PIP4K2A: variants seen among roughly 807,000 people sequenced by gnomAD.
PIP4K2A encodes the protein phosphatidylinositol 5-phosphate 4-kinase type-2 alpha.
A neutral mutation model predicts 42.9 loss-of-function variants in PIP4K2A; 14 were observed. The observed-to-expected ratio is 0.33, with a 90% CI of 0.22 to 0.51. The LOEUF (loss-of-function observed/expected upper bound fraction) is 0.51, where lower values mean the gene tolerates loss of function less well. Among genes scored for constraint, PIP4K2A ranks in the 20% least tolerant of loss-of-function variants. PIP4K2A has a pLI of 0.97. For synonymous variants in PIP4K2A, 192 were observed against 192.2 expected (o/e 1.00, Z 0.01); for missense variants, 434 against 519.8 (o/e 0.83, Z 1.61).
intron 1 of PIP4K2A, among the ~76,000 whole-genome samples, chr10:22,665,246 G>T (rs1452936392): frequency 6.6e-6 from 1 of 152,114 alleles, no homozygotes; most frequent in African/African-American, 2.4e-5. Context: ...GATGACAAAA[G>T]CAACAAGAGA....
chr10:22,619,439 CTT>C (rs746519034), intron 1 of PIP4K2A, among the ~76,000 whole-genome samples: 24 of 137,428 alleles, frequency 1.7e-4, no homozygotes, highest in Admixed American at 2.2e-4. Flanking sequence ...TTTCTTTTTT[CTT>C]TTTTTTTTTT....
chr10:22,650,462 C>A (rs1333549046), intron 1 of PIP4K2A, among the ~76,000 whole-genome samples: 3 of 152,070 alleles, frequency 2.0e-5, no homozygotes, highest in African/African-American at 7.2e-5. Context: ...GCCCAGGCTG[C>A]CTCAGTTTTC....
chr10:22,600,462 G>A (rs1163211197), intron 3 of PIP4K2A, among the ~76,000 whole-genome samples: 1 of 152,130 alleles, frequency 6.6e-6, no homozygotes, highest in Non-Finnish European at 1.5e-5. Flanking sequence ...TGTTATGGAT[G>A]AGGAAACTGA....
At chr10:22,662,361 A>G (rs1839218211) in intron 1 of PIP4K2A, among the ~76,000 whole-genome samples, 1 of 152,240 alleles carries the variant, frequency 6.6e-6, no homozygotes, top group Non-Finnish European at 1.5e-5. Flanking sequence ...TAAGATCACA[A>G]GAGTTTTCTC....
chr10:22,632,410 T>C (rs1000091012), intron 1 of PIP4K2A, among the ~76,000 whole-genome samples: 2 of 152,240 alleles, frequency 1.3e-5, no homozygotes, highest in African/African-American at 2.4e-5. Flanking sequence ...AAAACAAACA[T>C]TAAAATGGTA....
chr10:22,542,101 C>T (rs1198960615), intron 7 of PIP4K2A, 54 bp from the exon 8 acceptor site: 7 of 1,502,256 alleles, frequency 4.7e-6, no homozygotes, highest in Non-Finnish European at 6.3e-6. Context: ...TAAAAGCCAA[C>T]ATTTAAAGGA....
intron 1 of PIP4K2A, among the ~76,000 whole-genome samples, chr10:22,664,059 ATACATATATATATATACG>A (rs1839264704): frequency 1.2e-5 from 1 of 83,976 alleles, no homozygotes; most frequent in Non-Finnish European, 2.1e-5. Flanking sequence ...ATATGTATAT[ATACATATATATATATACG>A]TATATATATA....
At chr10:22,654,456 A>C (rs1013813217) in intron 1 of PIP4K2A, among the ~76,000 whole-genome samples, 1 of 152,216 alleles carries the variant, frequency 6.6e-6, no homozygotes, top group African/African-American at 2.4e-5. Flanking sequence ...AAATTGGAGA[A>C]TCTTAGTAAC....
At chr10:22,569,411 C>T (rs571753253) in intron 5 of PIP4K2A, among the ~76,000 whole-genome samples, 2 of 152,200 alleles carry the variant, frequency 1.3e-5, no homozygotes, top group African/African-American at 2.4e-5. Context: ...GACCACAGTC[C>T]GAGCCCCTCT....
chr10:22,585,332 G>C (rs944555587), intron 4 of PIP4K2A, among the ~76,000 whole-genome samples: 2 of 151,966 alleles, frequency 1.3e-5, no homozygotes, highest in African/African-American at 4.8e-5. Flanking sequence ...TCAGATTTTG[G>C]GGCAAAACTT....
At chr10:22,601,144 A>AC (rs986003950) in intron 3 of PIP4K2A, among the ~76,000 whole-genome samples, 10 of 132,128 alleles carry the variant, frequency 7.6e-5, no homozygotes, top group Non-Finnish European at 1.6e-4. Context: ...AAAAAAAAAA[A>AC]AAAAAAAAAA....
intron 2 of PIP4K2A, among the ~76,000 whole-genome samples, chr10:22,608,303 G>A (rs1837954130): frequency 6.6e-6 from 1 of 152,190 alleles, no homozygotes. Flanking sequence ...AGAACAAGAG[G>A]TGGGGAAGGA....
chr10:22,558,650 G>T (rs16922454), intron 6 of PIP4K2A, among the ~76,000 whole-genome samples: 2 of 152,174 alleles, frequency 1.3e-5, no homozygotes, highest in African/African-American at 4.8e-5. Context: ...TTTGAGAAAT[G>T]ATCTAAGAGG....
At chr10:22,679,457 C>T (rs1839620819) in intron 1 of PIP4K2A, among the ~76,000 whole-genome samples, 1 of 152,164 alleles carries the variant, frequency 6.6e-6, no homozygotes, top group Admixed American at 6.5e-5. Flanking sequence ...AAACTTCATA[C>T]ATTGCTAGTA....
At chr10:22,660,093 T>G (rs753069406) in intron 1 of PIP4K2A, among the ~76,000 whole-genome samples, 24 of 152,140 alleles carry the variant, frequency 1.6e-4, no homozygotes, top group Non-Finnish European at 2.8e-4. Flanking sequence ...GGGCCCCTAG[T>G]AGACATGAAA....
chr10:22,626,239 T>C (rs575250360), intron 1 of PIP4K2A, among the ~76,000 whole-genome samples: 30 of 151,804 alleles, frequency 2.0e-4, no homozygotes, highest in African/African-American at 7.1e-4. Context: ...TACCCAAATT[T>C]CTAAAATATA....
intron 1 of PIP4K2A, among the ~76,000 whole-genome samples, chr10:22,618,168 T>G (rs1201583402): frequency 6.6e-6 from 1 of 152,076 alleles, no homozygotes; most frequent in Non-Finnish European, 1.5e-5. Flanking sequence ...GTGATATGAG[T>G]TCAACATTAC....
intron 1 of PIP4K2A, among the ~76,000 whole-genome samples, chr10:22,666,022 A>G (rs1011237218): frequency 6.6e-6 from 1 of 152,062 alleles, no homozygotes; most frequent in Non-Finnish European, 1.5e-5. Context: ...ATTCTCTACA[A>G]TGTCTGAAAT....
intron 3 of PIP4K2A, among the ~76,000 whole-genome samples, chr10:22,602,539 T>C (rs945696990): frequency 3.3e-5 from 5 of 152,214 alleles, no homozygotes; most frequent in Non-Finnish European, 7.4e-5. Flanking sequence ...CCAGTGTCCC[T>C]GGTGTCTTTG....
Sources: gnomAD v4.1 joint callset for allele counts (sites outside exome capture counted in the v4.1 genomes callset) on GRCh38, gnomAD v4.1.1 for gene constraint, MANE v1.5 for transcripts, NCBI Gene and HGNC (gene_info 2026-07-23, HGNC 2026-07-21) for gene names.